SLC4A2: variants seen among roughly 807,000 people sequenced by gnomAD.
SLC4A2 encodes the protein solute carrier family 4 member 2.
In SLC4A2, 36 loss-of-function variants were observed where a neutral mutation model predicts 115.0. The observed-to-expected ratio is 0.31, with a 90% confidence interval of 0.24 to 0.41. The LOEUF (loss-of-function observed/expected upper bound fraction) is 0.41, where lower values mean the gene tolerates loss of function less well. SLC4A2 is among the 10% of genes least tolerant of loss of function. The pLI is 1.00. For synonymous variants in SLC4A2, 708 were observed against 708.3 expected (o/e 1.00, Z 0.01); for missense variants, 1,252 against 1,705.6 (o/e 0.73, Z 4.68).
chr7:151,071,248 G>A lies in SLC4A2; in HGVS notation c.1926G>A (p.Arg642=), dbSNP rs1450506758. Reference sequence around the variant, plus strand: ...TCAAGAAGCGAGAGGAGCAGGGCCGGCTGCTACCTACAGGGGCTGGGCTGG... The same window carrying A: ...TCAAGAAGCGAGAGGAGCAGGGCCGACTGCTACCTACAGGGGCTGGGCTGG... The part of the protein sequence containing the change: ...QMLKKREEQG[R]LLPTGAGLEP... Residue 642 remains arginine (R), a synonymous_variant, in exon 13 of 23, where the codon CGG becomes CGA. Coordinates refer to ENST00000413384, the MANE Select transcript of SLC4A2 (RefSeq NM_003040.4). The surrounding 1 kb of genome is among the most constrained non-coding windows in gnomAD (Gnocchi z 5.5). The A allele has an allele frequency of 1.9e-6, 3 of 1,571,640 alleles. No homozygotes were observed. Among genetic ancestry groups the A allele is most frequent in the Non-Finnish European group, 1.7e-6 (2 of 1,159,404 alleles).
intron 2 of SLC4A2, 52 bp from the exon 3 acceptor site, chr7:151,064,150 G>A (rs767444965): frequency 1.3e-6 from 2 of 1,587,356 alleles, no homozygotes; most frequent in Non-Finnish European, 1.7e-6. Context: ...AGGTTTCGGG[G>A]TACAATTCCC....
At chr7:151,070,680 G>C in intron 11 of SLC4A2, 47 bp from the exon 12 acceptor site, 1 of 1,606,786 alleles carries the variant, frequency 6.2e-7, no homozygotes, top group Non-Finnish European at 8.5e-7. Flanking sequence ...GGACTGGAAG[G>C]CGGTCCTGCT....
chr7:151,065,219 G>A (rs1029278144), intron 5 of SLC4A2, among the ~76,000 whole-genome samples: 1 of 152,206 alleles, frequency 6.6e-6, no homozygotes, highest in Admixed American at 6.5e-5. Flanking sequence ...AAAGTTCTAA[G>A]TATGGTTTAG....
At chr7:151,074,318 G>C (rs56121358) in intron 17 of SLC4A2, 25 bp downstream of exon 17, 429 of 1,609,274 alleles carry the variant, frequency 2.7e-4, no homozygotes, top group Non-Finnish European at 3.4e-4. Context: ...AGGCCAAGAG[G>C]GGGTTAGGGG....
rs1451496452 is a variant in SLC4A2 at position 151,059,779 on chromosome 7, T to G, written c.-64+17T>G. ...AGCGAGCGGGTAGGCGGAGAGGTGG[T>G]GGCGGGGGACGGCCAGGGCCGCAGA... On this transcript the variant is annotated intron_variant, in intron 1 of 22. Transcript: ENST00000413384. The surrounding 1 kb of genome is among the most constrained non-coding windows in gnomAD (Gnocchi z 5.8). 1 of 41,198 alleles carries G rather than the reference T, an allele frequency of 2.4e-5. No individual in the cohort carries two copies. Among genetic ancestry groups the G allele is most frequent in the Non-Finnish European group, 5.0e-5 (1 of 20,056 alleles). The allele number at this position is 41,198 out of a possible 1,614,324, so 2.6% of individuals were successfully genotyped here. A position where few individuals can be genotyped will look rare whatever the true frequency, so the allele number is the denominator to read the frequency against.
At position 151,064,634 on chromosome 7, in the gene SLC4A2, G is replaced by T. The variant is rs138202021; in HGVS notation, c.326G>T (p.Arg109Leu). The T allele has an allele frequency of 1.1e-4, 176 of 1,613,578 alleles. No individual in the cohort carries two copies. The Middle Eastern group carries it at 1.5e-3, about 14-fold the overall frequency. Residue 109 changes from arginine to leucine, a missense_variant, in exon 4 of 23, where the codon CGC becomes CTC. Arg to Leu is a moderately radical substitution (Grantham distance 102, BLOSUM62 -2). Coordinates refer to ENST00000413384, the MANE Select transcript of SLC4A2 (RefSeq NM_003040.4). ...PQGPGRKPRR[R>L]PGASPTGETP... ...GGCCCAGGACGGAAGCCTCGAAGGCGCCCGGGAGCCTCCCCGACTGGAGAA... is the reference window on the plus strand; with the variant it reads ...GGCCCAGGACGGAAGCCTCGAAGGCTCCCGGGAGCCTCCCCGACTGGAGAA...
intron 8 of SLC4A2, among the ~76,000 whole-genome samples, chr7:151,069,042 G>C (rs77524970): frequency 0.18 from 26,477 of 149,664 alleles, 2,970 homozygotes; most frequent in Admixed American, 0.36. Context: ...GAGAGGCTGA[G>C]GCAGGAGAAT....
Position 151,070,720 on chromosome 7 carries a change from C to G in SLC4A2, c.1565-7C>G. 6.2e-7 allele frequency: 1 copy of G among 1,612,690 alleles called. No homozygotes were observed. On this transcript the variant is annotated splice_polypyrimidine_tract_variant and splice_region_variant and intron_variant, in intron 11 of 22. Coordinates refer to ENST00000413384, the MANE Select transcript of SLC4A2 (RefSeq NM_003040.4). The stretch of plus-strand genomic sequence containing the variant: ...TGCTCTTGCCCACGATGGTCCCACG[C>G]CCCTAGGCTGCGTGGAGTTCCTCTC...
At chr7:151,068,723 T>C (rs1348379760) in intron 8 of SLC4A2, among the ~76,000 whole-genome samples, 3 of 152,044 alleles carry the variant, frequency 2.0e-5, no homozygotes, top group African/African-American at 7.2e-5. Context: ...TTTCACCATG[T>C]TGCCCAGACT....
At chr7:151,069,159 A>AAAAAAG (rs1554451788) in intron 8 of SLC4A2, among the ~76,000 whole-genome samples, 2 of 147,946 alleles carry the variant, frequency 1.4e-5, no homozygotes, top group African/African-American at 5.0e-5. Context: ...AAAAAAAAAA[A>AAAAAAG]GCAGCTGAGG....
chr7:151,063,123 T>C, intron 2 of SLC4A2: 1 of 1,418,460 alleles, frequency 7.0e-7, no homozygotes. Flanking sequence ...GCTGAGCTCT[T>C]ACAAGCGCCG....
chr7:151,059,372 C>A (rs944910605), upstream of SLC4A2, among the ~76,000 whole-genome samples: 2 of 152,178 alleles, frequency 1.3e-5, no homozygotes, highest in Admixed American at 6.5e-5. This position sits in a 1 kb window ranked among gnomAD's most constrained non-coding sequence, Gnocchi z 5.8. Context: ...GGATCCCTAG[C>A]GTGAGAAGGG....
chr7:151,069,126 G>A (rs1177874912), intron 8 of SLC4A2, among the ~76,000 whole-genome samples: 2 of 32,936 alleles, frequency 6.1e-5, no homozygotes, highest in East Asian at 1.6e-3. Context: ...ACGACAGAGC[G>A]AGACTCTTAT....
In SLC4A2 at chr7:151,075,441, G is replaced by C. The variant is rs778291112; in HGVS notation, c.3234G>C (p.Gly1078=). 38 of 1,605,002 alleles carry C rather than the reference G, an allele frequency of 2.4e-5. No individual in the cohort carries two copies. Among genetic ancestry groups the C allele is most frequent in the Non-Finnish European group, 3.2e-5 (38 of 1,179,980 alleles). Residue 1078 remains glycine (G), a synonymous_variant, in exon 20 of 23, where the codon GGG becomes GGC. Coordinates refer to ENST00000413384, the MANE Select transcript of SLC4A2 (RefSeq NM_003040.4). ...LTVMSKAVAP[G]DKPKIQEVKE... ...TCATGAGCAAGGCTGTGGCACCTGG[G>C]GACAAGCCCAAGATTCAGGAAGTCA...
intron 1 of SLC4A2, 115 bp from the exon 2 acceptor site, chr7:151,061,810 A>T (rs1797056068): frequency 1.7e-6 from 1 of 603,776 alleles, no homozygotes; most frequent in African/African-American, 1.9e-5. Flanking sequence ...GCTGCCGCTA[A>T]GGGCCACTCT....
intron 2 of SLC4A2, among the ~76,000 whole-genome samples, chr7:151,063,726 C>T: frequency 6.6e-6 from 1 of 150,924 alleles, no homozygotes; most frequent in South Asian, 2.1e-4. Context: ...TATTTGTTTC[C>T]TTTTTTTTTG....
chr7:151,061,732 G>A (rs1006643709), intron 1 of SLC4A2, 193 bp from the exon 2 acceptor site: 137 of 472,700 alleles, frequency 2.9e-4, no homozygotes, highest in Middle Eastern at 2.2e-3. Flanking sequence ...GGCCCCCCTC[G>A]CCTCAGTCCT....
intron 8 of SLC4A2, 43 bp downstream of exon 8, chr7:151,068,097 G>C: frequency 7.2e-7 from 1 of 1,382,168 alleles, no homozygotes; most frequent in East Asian, 2.8e-5. Context: ...CAGTCCCCAG[G>C]AAATTCTCCC....
In SLC4A2 at chr7:151,059,944, T is replaced by C. The variant is rs1307473576; in HGVS notation, c.-64+182T>C. On this transcript the variant is annotated intron_variant, in intron 1 of 22. Transcript: ENST00000413384. The surrounding 1 kb of genome is among the most constrained non-coding windows in gnomAD (Gnocchi z 5.8). The stretch of plus-strand genomic sequence containing the variant: ...GATGGGGAGGCGGATGGAGTGCTGG[T>C]CGGAAGCGGGCATTCCGGGGTCCCC... 1.3e-5 allele frequency: 2 copies of C among 151,988 alleles called. No homozygotes were observed. The highest frequency in any genetic ancestry group is 2.9e-5 in the Non-Finnish European group (2 of 68,028). 9.4% of individuals were successfully genotyped at this position (151,988 alleles called of 1,614,324 possible).
Sources: allele counts gnomAD v4.1 joint callset (sites outside exome capture counted in the v4.1 genomes callset), GRCh38; gene constraint gnomAD v4.1.1; non-coding constraint Gnocchi (gnomAD v3.1); transcripts MANE v1.5; gene names NCBI Gene and HGNC (gene_info 2026-07-23, HGNC 2026-07-21).